The following LRRD1 variants were observed in gnomAD, a reference collection of about 807,000 sequenced individuals.
The protein encoded by LRRD1 is leucine rich repeats and death domain containing 1, also known as leucine-rich repeat and death domain-containing protein 1.
A neutral mutation model predicts 69.5 loss-of-function variants in LRRD1; 49 were observed. That is an observed-to-expected ratio of 0.70 (90% CI 0.56 to 0.89). The LOEUF is 0.89. Ranked by LOEUF, LRRD1 falls within the 40% of genes least tolerant of loss-of-function variation. LRRD1 has a pLI of 0.00. For synonymous variants in LRRD1, 303 were observed against 338.9 expected (o/e 0.89, Z 1.16); for missense variants, 853 against 956.0 (o/e 0.89, Z 1.42).
chr7:92,153,838 T>TA (rs990029285), intron 3 of LRRD1, among the ~76,000 whole-genome samples: 1 of 151,628 alleles, frequency 6.6e-6, no homozygotes, highest in African/African-American at 2.4e-5. Flanking sequence ...AAAATAAAAA[T>TA]AAAAAAATTT....
downstream of LRRD1, among the ~76,000 whole-genome samples, chr7:92,143,808 C>T (rs1285093646): frequency 1.3e-5 from 2 of 152,248 alleles, no homozygotes; most frequent in Admixed American, 6.5e-5. Flanking sequence ...CCTCAAGTGC[C>T]GCCAAATTGG....
intron 2 of LRRD1, 65 bp from the exon 3 acceptor site, chr7:92,159,268 T>C (rs1246743367): frequency 4.7e-6 from 5 of 1,068,114 alleles, no homozygotes; most frequent in East Asian, 6.4e-5. Flanking sequence ...CTAAAACTTC[T>C]TCTAAAATCA....
At chr7:92,153,759 C>T (rs1029412986) in intron 3 of LRRD1, among the ~76,000 whole-genome samples, 2 of 151,552 alleles carry the variant, frequency 1.3e-5, no homozygotes, top group African/African-American at 4.8e-5. Context: ...GAGGCAGAAG[C>T]TGCAGTGAGC....
At chr7:92,142,384 C>T (rs560217450), downstream of LRRD1, 1 of 447,134 alleles carries the variant, frequency 2.2e-6, no homozygotes. Context: ...AAGGTTCTGT[C>T]TCTCTCTTGG....
At chr7:92,145,439 C>CTTT (rs745661467) in intron 5 of LRRD1, among the ~76,000 whole-genome samples, 11 of 129,406 alleles carry the variant, frequency 8.5e-5, no homozygotes, top group Non-Finnish European at 1.2e-4. Context: ...ATACTATATG[C>CTTT]TTTTTTTTTT....
At chr7:92,175,014 A>C (rs1490492402) in intron 1 of LRRD1, among the ~76,000 whole-genome samples, 1 of 152,006 alleles carries the variant, frequency 6.6e-6, no homozygotes, top group Non-Finnish European at 1.5e-5. Flanking sequence ...GCAGTGAGCC[A>C]AGATCACACC....
At chr7:92,176,252 A>G (rs1020860669) in intron 1 of LRRD1, among the ~76,000 whole-genome samples, 1 of 152,170 alleles carries the variant, frequency 6.6e-6, no homozygotes, top group African/African-American at 2.4e-5. Flanking sequence ...GATGGAGAAT[A>G]ATATCTTTTT....
intron 1 of LRRD1, among the ~76,000 whole-genome samples, chr7:92,177,267 G>C (rs545875235): frequency 6.6e-6 from 1 of 151,508 alleles, no homozygotes; most frequent in Non-Finnish European, 1.5e-5. Context: ...TGGTTTCAAG[G>C]TTATACTACC....
rs1820315252 is a variant in LRRD1, at chr7:92,146,011, A to C, written c.2396+72T>G. The C allele has an allele frequency of 1.4e-5, 11 of 788,612 alleles. No homozygotes were observed. The South Asian group carries it at 2.6e-4, about 19-fold the overall frequency. 48.9% of individuals were successfully genotyped at this position (788,612 alleles called of 1,614,324 possible). A position where few individuals can be genotyped will look rare whatever the true frequency, so the allele number is the denominator to read the frequency against. On this transcript the variant is annotated intron_variant, in intron 5 of 5. Coordinates refer to ENST00000458448, the MANE Select transcript of LRRD1 (RefSeq NM_001161528.2). ...ATTGTGTTAATACGAATGTTTCAAA[A>C]CCATGCAATATCAACATGATATACA...
intron 2 of LRRD1, among the ~76,000 whole-genome samples, chr7:92,159,796 A>G (rs1788759197): frequency 1.3e-5 from 2 of 151,434 alleles, no homozygotes; most frequent in South Asian, 2.1e-4. Flanking sequence ...TAATTTTTGT[A>G]TTTTTAGTAG....
downstream of LRRD1, chr7:92,142,926 C>G (rs1820198202): frequency 3.2e-6 from 1 of 316,528 alleles, no homozygotes; most frequent in African/African-American, 2.2e-5. Context: ...AATGCTTCCG[C>G]AGTGTGGAAG....
intron 5 of LRRD1, among the ~76,000 whole-genome samples, chr7:92,145,306 G>C (rs1820290660): frequency 6.6e-6 from 1 of 151,998 alleles, no homozygotes; most frequent in Non-Finnish European, 1.5e-5. Flanking sequence ...GAAAGTGAAT[G>C]TTAGCTCCAG....
At chr7:92,148,078 C>G (rs943542951) in intron 4 of LRRD1, among the ~76,000 whole-genome samples, 1 of 152,128 alleles carries the variant, frequency 6.6e-6, no homozygotes, top group Non-Finnish European at 1.5e-5. Context: ...GTAGCTGGAA[C>G]TACAGGCACG....
intron 4 of LRRD1, among the ~76,000 whole-genome samples, chr7:92,149,719 A>G (rs1257161721): frequency 2.0e-5 from 3 of 152,158 alleles, no homozygotes; most frequent in African/African-American, 7.2e-5. Context: ...TTATTTATTT[A>G]TTTATCTTTA....
chr7:92,142,938 G>A (rs901536924), downstream of LRRD1: 36 of 282,496 alleles, frequency 1.3e-4, 1 homozygote, highest in Admixed American at 1.7e-3. Flanking sequence ...GTGTGGAAGG[G>A]GACCGGAACA....
Position 92,164,885 on chromosome 7 carries a change from C to T in LRRD1, c.318G>A (p.Arg106=), listed in dbSNP as rs1401864706. The T allele has an allele frequency of 3.2e-6, 5 of 1,551,606 alleles. No individual in the cohort carries two copies. The highest frequency in any genetic ancestry group is 2.7e-5 in the African/African-American group (2 of 73,152). ...TAACCAAAGCCTGATATTCTGCAGT[C>T]CTCCCAGTTAGTGATGATAAACTCT... The part of the protein sequence containing the change: ...TSQSLSSLTG[R]TAEYQALVNF... The change falls in exon 2 of 6, where the codon AGG becomes AGA. Residue 106 remains arginine (R), a synonymous_variant. Transcript: ENST00000458448.
At chr7:92,144,122 A>G (rs1004496460), downstream of LRRD1, among the ~76,000 whole-genome samples, 3 of 152,338 alleles carry the variant, frequency 2.0e-5, no homozygotes, top group African/African-American at 7.2e-5. Flanking sequence ...CACTCAACTG[A>G]AGGATTACTG....
intron 3 of LRRD1, among the ~76,000 whole-genome samples, chr7:92,157,240 A>T (rs888620754): frequency 6.6e-6 from 1 of 152,042 alleles, no homozygotes; most frequent in Admixed American, 6.6e-5. Flanking sequence ...ATGGCTTTTC[A>T]TAAGCCTGTT....
chr7:92,176,028 C>T (rs932982502), intron 1 of LRRD1, among the ~76,000 whole-genome samples: 35 of 152,156 alleles, frequency 2.3e-4, no homozygotes, highest in Admixed American at 2.3e-3. Flanking sequence ...TAGAGAAAGT[C>T]CTCTCACTTT....
Sources: gnomAD v4.1 joint callset for allele counts (sites outside exome capture counted in the v4.1 genomes callset) on GRCh38, gnomAD v4.1.1 for gene constraint, MANE v1.5 for transcripts, NCBI Gene and HGNC (gene_info 2026-07-23, HGNC 2026-07-21) for gene names.